Variants in TANC2 observed in about 807,000 individuals in gnomAD.
The protein encoded by TANC2 is tetratricopeptide repeat, ankyrin repeat and coiled-coil containing 2, also known as protein TANC2.
Under a neutral mutation model 210.5 loss-of-function variants are expected in TANC2, and 26 were observed. The observed-to-expected ratio is 0.12, with a 90% confidence interval of 0.09 to 0.17. TANC2 has a LOEUF of 0.17. TANC2 is among the 10% of genes least tolerant of loss of function. The pLI is 1.00. For synonymous variants in TANC2, 931 were observed against 967.1 expected (o/e 0.96, Z 0.69); for missense variants, 2,129 against 2,608.9 (o/e 0.82, Z 4.01).
chr17:63,085,730 C>G (rs2036939179), intron 3 of TANC2, among the ~76,000 whole-genome samples: 1 of 152,094 alleles, frequency 6.6e-6, no homozygotes, highest in South Asian at 2.1e-4. Flanking sequence ...ACACATAGCA[C>G]ACACAAGCAT....
intron 15 of TANC2, among the ~76,000 whole-genome samples, chr17:63,381,849 A>G (rs1567970195): frequency 6.6e-6 from 1 of 152,226 alleles, no homozygotes; most frequent in African/African-American, 2.4e-5. Context: ...GATTCTAAGG[A>G]AGGGACTCCA....
chr17:63,372,720 G>A (rs2147030792), intron 14 of TANC2, among the ~76,000 whole-genome samples: 1 of 152,130 alleles, frequency 6.6e-6, no homozygotes, highest in South Asian at 2.1e-4. Context: ...TGACTTTTAG[G>A]GATGAAGAGG....
chr17:63,374,534 A>G (rs2047369010), intron 14 of TANC2, among the ~76,000 whole-genome samples: 1 of 152,138 alleles, frequency 6.6e-6, no homozygotes, highest in Admixed American at 6.5e-5. Flanking sequence ...ACAGGAACCT[A>G]AGGAAGGAAC....
chr17:63,288,612 A>G (rs79609635), intron 9 of TANC2, among the ~76,000 whole-genome samples: 163 of 152,268 alleles, frequency 1.1e-3, no homozygotes, highest in Admixed American at 2.0e-3. Context: ...TTTCTGTTAA[A>G]AGGATGTTGA....
chr17:63,035,318 T>C (rs1243294867), intron 2 of TANC2, among the ~76,000 whole-genome samples: 1 of 152,236 alleles, frequency 6.6e-6, no homozygotes, highest in Non-Finnish European at 1.5e-5. Flanking sequence ...ACAAAGTTAA[T>C]AGATTATAGT....
chr17:63,161,070 G>C (rs141492210), intron 5 of TANC2, among the ~76,000 whole-genome samples: 1 of 152,172 alleles, frequency 6.6e-6, no homozygotes, highest in Admixed American at 6.5e-5. Context: ...AGGCTTGCTC[G>C]CTACCTGAAA....
intron 5 of TANC2, among the ~76,000 whole-genome samples, chr17:63,186,218 G>C (rs2040978345): frequency 6.6e-6 from 1 of 152,128 alleles, no homozygotes; most frequent in Non-Finnish European, 1.5e-5. Flanking sequence ...TATATAGAGA[G>C]AGATCTGTTT....
In TANC2 at chr17:63,421,471, A is replaced by G. The variant is rs1370621479; in HGVS notation, c.5741A>G (p.Gln1914Arg). The stretch of plus-strand genomic sequence containing the variant: ...GAGCTGTCGCCAGTGTCTCCAACTC[A>G]AGGAGGTTACCCCAGTGAGCCCACC... Residue 1914 changes from glutamine to arginine, a missense_variant, in exon 28 of 28, where the codon CAA (glutamine) becomes CGA (arginine). Transcript: ENST00000689528. This position sits in a 1 kb window ranked among gnomAD's most constrained non-coding sequence, Gnocchi z 6.9. The G allele has an allele frequency of 6.2e-7, 1 of 1,613,804 alleles. No homozygotes were observed. Among genetic ancestry groups the G allele is most frequent in the African/African-American group, 1.3e-5 (1 of 74,900 alleles).
intron 5 of TANC2, among the ~76,000 whole-genome samples, chr17:63,163,571 T>C (rs1029206826): frequency 5.3e-5 from 8 of 152,236 alleles, no homozygotes; most frequent in Admixed American, 1.3e-4. Context: ...TATACTATTA[T>C]ACATCTCTAA....
chr17:63,356,904 C>T (rs1381148487), intron 14 of TANC2, among the ~76,000 whole-genome samples: 1 of 152,134 alleles, frequency 6.6e-6, no homozygotes. Flanking sequence ...TTTTCCTCCC[C>T]TCACCCTGCA....
At chr17:63,402,108 G>C (rs1477685840) in intron 19 of TANC2, among the ~76,000 whole-genome samples, 3 of 152,146 alleles carry the variant, frequency 2.0e-5, no homozygotes, top group Non-Finnish European at 2.9e-5. Context: ...ATAACCTCCA[G>C]TCTCATATAT....
chr17:63,374,032 GTTTTTTTTT>G (rs35801082), intron 14 of TANC2, among the ~76,000 whole-genome samples: 1 of 93,528 alleles, frequency 1.1e-5, no homozygotes, highest in Non-Finnish European at 2.0e-5. Context: ...GTTGTTGTTG[GTTTTTTTTT>G]TTTTTTTTTT....
chr17:63,191,788 A>G (rs1260168593), intron 5 of TANC2, among the ~76,000 whole-genome samples: 1 of 152,090 alleles, frequency 6.6e-6, no homozygotes, highest in East Asian at 1.9e-4. Context: ...TTCAGAAGTA[A>G]CTATTTTTAA....
intron 1 of TANC2, among the ~76,000 whole-genome samples, chr17:62,984,133 A>G (rs181422505): frequency 6.5e-4 from 98 of 151,782 alleles, no homozygotes; most frequent in Admixed American, 1.4e-3. Flanking sequence ...TACTGATTCA[A>G]TTTTTCTGAT....
At chr17:63,116,404 C>G (rs1245918142) in intron 4 of TANC2, among the ~76,000 whole-genome samples, 1 of 152,208 alleles carries the variant, frequency 6.6e-6, no homozygotes, top group Non-Finnish European at 1.5e-5. Context: ...GAAGGGGGAG[C>G]TCTTCCTAAT....
At chr17:63,263,859 G>C (rs568303254) in intron 8 of TANC2, among the ~76,000 whole-genome samples, 2 of 152,266 alleles carry the variant, frequency 1.3e-5, no homozygotes, top group African/African-American at 4.8e-5. Context: ...AGAGCTATTA[G>C]AATTCTACAG....
intron 1 of TANC2, among the ~76,000 whole-genome samples, chr17:62,999,896 T>G (rs2033292792): frequency 6.6e-6 from 1 of 152,246 alleles, no homozygotes; most frequent in Non-Finnish European, 1.5e-5. Flanking sequence ...TGTAATACTA[T>G]GCAGGCATAA....
At chr17:63,399,961 A>C (rs2048292375) in intron 19 of TANC2, among the ~76,000 whole-genome samples, 1 of 152,338 alleles carries the variant, frequency 6.6e-6, no homozygotes, top group African/African-American at 2.4e-5. Flanking sequence ...TTAAGAGTCC[A>C]TGACAGATTA....
chr17:63,323,996 G>A (rs1292548227), intron 11 of TANC2, among the ~76,000 whole-genome samples: 2 of 152,162 alleles, frequency 1.3e-5, no homozygotes, highest in Non-Finnish European at 2.9e-5. Context: ...TAGTGTGACA[G>A]GAAGGAATTT....
Sources: gnomAD v4.1 joint callset for allele counts (sites outside exome capture counted in the v4.1 genomes callset) on GRCh38, gnomAD v4.1.1 for gene constraint, Gnocchi (gnomAD v3.1) non-coding constraint, MANE v1.5 for transcripts, NCBI Gene and HGNC (gene_info 2026-07-23, HGNC 2026-07-21) for gene names.